PCDH15: variants seen among roughly 807,000 people sequenced by gnomAD.
The protein encoded by PCDH15 is protocadherin related 15, also known as protocadherin-15.
A neutral mutation model predicts 178.5 loss-of-function variants in PCDH15; 129 were observed. The observed-to-expected ratio is 0.72, with a 90% CI of 0.63 to 0.84. The LOEUF (loss-of-function observed/expected upper bound fraction) is 0.84, where lower values mean the gene tolerates loss of function less well. Ranked by LOEUF, PCDH15 falls within the 40% of genes least tolerant of loss-of-function variation. The pLI is 0.00. For missense variants in PCDH15, 2,230 were observed against 2,099.9 expected (o/e 1.06, Z -1.21); for synonymous variants, 800 against 732.0 (o/e 1.09, Z -1.50).
At chr10:54,511,029 T>C (rs193009057) in intron 3 of PCDH15, among the ~76,000 whole-genome samples, 1 of 152,318 alleles carries the variant, frequency 6.6e-6, no homozygotes, top group East Asian at 1.9e-4. Context: ...GAAGTATAGA[T>C]GCGTCACCTT....
rs72055158 is a variant in PCDH15 at position 55,130,680 on chromosome 10, CGTGTGTGTGTGT to C, written c.-80+35884_-80+35895del. On this transcript the variant is annotated intron_variant, in intron 2 of 5. Coordinates refer to the PCDH15 transcript ENST00000458638. ...CTTAACATGTATAAACACACATACA[CGTGTGTGTGTGT>C]GTGTGTGTGTGTGTGTGTGTGTGTG... Among the ~76,000 whole-genome samples, 952 of 146,274 alleles carry C rather than the reference CGTGTGTGTGTGT, an allele frequency of 6.5e-3. 3 individuals carry two copies. Among genetic ancestry groups the C allele is most frequent in the African/African-American group, 0.012 (478 of 39,404 alleles).
chr10:54,417,160 G>A (rs1473374630), intron 3 of PCDH15, among the ~76,000 whole-genome samples: 5 of 152,088 alleles, frequency 3.3e-5, no homozygotes, highest in Non-Finnish European at 7.4e-5. Flanking sequence ...AAGGTGCTGG[G>A]ATTACAGATG....
rs548527707 is a variant in PCDH15 at position 54,451,323 on chromosome 10, G to C, written c.158-72381C>G. ...CTGACTTCATAAATAATGCATGAAA[G>C]TCTATAGACTTCAACTAGTGAGCAT... On this transcript the variant is annotated intron_variant, in intron 3 of 37. Transcript: ENST00000644397. 3.2e-4 allele frequency among the ~76,000 whole-genome samples: 48 copies of C among 151,916 alleles called. 1 individual carries two copies. The highest frequency in any genetic ancestry group is 1.4e-3 in the Admixed American group (21 of 15,192).
chr10:54,599,690 A>G, intron 2 of PCDH15: 2 of 439,758 alleles, frequency 4.5e-6, no homozygotes, highest in South Asian at 3.8e-5. Flanking sequence ...TCTCCAGTGA[A>G]AGCAACTGCA....
chr10:54,017,367 A>G lies in PCDH15; in HGVS notation c.2751+2825T>C, dbSNP rs112591647. On this transcript the variant is annotated intron_variant, in intron 20 of 37. Coordinates refer to ENST00000644397, the MANE Select transcript of PCDH15 (RefSeq NM_001384140.1). ...TATCAAAGTTTTATGAGTTACAATA[A>G]CAAAGACATGGAATCGACCTAGATG... Among the ~76,000 whole-genome samples the G allele has an allele frequency of 6.7e-3, 1,027 of 152,278 alleles. 13 individuals are homozygous for G. Among genetic ancestry groups the G allele is most frequent in the African/African-American group, 0.023 (956 of 41,562 alleles).
chr10:54,874,789 C>T (rs1954109044), intron 3 of PCDH15, among the ~76,000 whole-genome samples: 1 of 152,018 alleles, frequency 6.6e-6, no homozygotes, highest in Non-Finnish European at 1.5e-5. Flanking sequence ...ATTACTTAAA[C>T]AAATCATTTA....
At chr10:54,585,430 A>AC in intron 2 of PCDH15, 1 of 157,190 alleles carries the variant, frequency 6.4e-6, no homozygotes, top group Non-Finnish European at 1.4e-5. Flanking sequence ...TTAATGGCTT[A>AC]CCCCCCTACC....
chr10:54,599,914 G>A, intron 2 of PCDH15: 1 of 784,260 alleles, frequency 1.3e-6, no homozygotes, highest in Non-Finnish European at 2.2e-6. Context: ...GGAAAAGAGT[G>A]AGGAAGTGGC....
intron 8 of PCDH15, among the ~76,000 whole-genome samples, chr10:54,246,205 T>C (rs1439011533): frequency 2.0e-5 from 3 of 151,926 alleles, no homozygotes; most frequent in Non-Finnish European, 4.4e-5. Context: ...CCTAAATCAT[T>C]AGATCACAGT....
At chr10:54,574,915 G>C (rs2090286410) in intron 2 of PCDH15, among the ~76,000 whole-genome samples, 1 of 147,656 alleles carries the variant, frequency 6.8e-6, no homozygotes. Context: ...GTCCAACAAT[G>C]ATAGACTGGA....
chr10:55,159,658 A>T (rs1243325689), intron 2 of PCDH15, among the ~76,000 whole-genome samples: 2 of 147,820 alleles, frequency 1.4e-5, no homozygotes, highest in African/African-American at 2.5e-5. Context: ...AGATAAAGAG[A>T]TATAATTATA....
chr10:53,927,228 T>C (rs1438213065), intron 25 of PCDH15, among the ~76,000 whole-genome samples: 3 of 152,086 alleles, frequency 2.0e-5, no homozygotes, highest in African/African-American at 7.2e-5. Context: ...ACAAAACCTT[T>C]ACCAATCCAT....
intron 1 of PCDH15, among the ~76,000 whole-genome samples, chr10:55,291,373 T>C (rs7098304): frequency 0.18 from 27,378 of 152,204 alleles, 4,482 homozygotes; most frequent in African/African-American, 0.44. Flanking sequence ...TCACAGCTTG[T>C]TTATCAGCAT....
intron 2 of PCDH15, among the ~76,000 whole-genome samples, chr10:55,346,844 T>A (rs1844770074): frequency 6.6e-6 from 1 of 151,934 alleles, no homozygotes; most frequent in Non-Finnish European, 1.5e-5. Flanking sequence ...TTCAAGTGAT[T>A]GAGAGCAGAG....
chr10:55,576,211 T>C (rs991657516), intron 2 of PCDH15, among the ~76,000 whole-genome samples: 4 of 152,196 alleles, frequency 2.6e-5, no homozygotes, highest in African/African-American at 9.7e-5. Flanking sequence ...ATTTTTCATA[T>C]CATATGTATT....
intron 22 of PCDH15, among the ~76,000 whole-genome samples, chr10:53,961,373 A>C (rs2134295318): frequency 6.6e-6 from 1 of 152,204 alleles, no homozygotes; most frequent in Admixed American, 6.5e-5. Flanking sequence ...AAAATGTTAT[A>C]TAGTAAAATA....
chr10:54,281,188 C>T (rs968260336), intron 8 of PCDH15, among the ~76,000 whole-genome samples: 39 of 151,902 alleles, frequency 2.6e-4, no homozygotes, highest in Admixed American at 2.0e-3. Flanking sequence ...ATAAACTGTT[C>T]CCAACTTGGG....
intron 8 of PCDH15, among the ~76,000 whole-genome samples, chr10:54,249,909 A>C (rs2132070547): frequency 6.6e-6 from 1 of 152,186 alleles, no homozygotes; most frequent in African/African-American, 2.4e-5. Context: ...ATTGTATCTT[A>C]AATGGATATC....
chr10:55,355,435 T>C (rs1845051164), intron 2 of PCDH15, among the ~76,000 whole-genome samples: 1 of 152,026 alleles, frequency 6.6e-6, no homozygotes. Flanking sequence ...TGTGATATTC[T>C]CATAAGTATG....
Sources: allele counts gnomAD v4.1 joint callset (sites outside exome capture counted in the v4.1 genomes callset), GRCh38; gene constraint gnomAD v4.1.1; transcripts MANE v1.5; gene names NCBI Gene and HGNC (gene_info 2026-07-23, HGNC 2026-07-21).